Variants in KCNAB1 observed in about 807,000 individuals in gnomAD.
KCNAB1 encodes the protein voltage-gated potassium channel subunit beta-1.
In KCNAB1, 35 loss-of-function variants were observed where a neutral mutation model predicts 64.6. The observed-to-expected ratio is 0.54, with a 90% CI of 0.41 to 0.72. KCNAB1 has a LOEUF of 0.72. KCNAB1 is among the 30% of genes least tolerant of loss of function. The pLI, the probability that KCNAB1 is intolerant of heterozygous loss-of-function variation, is 0.00. For missense variants in KCNAB1, 401 were observed against 512.9 expected (o/e 0.78, Z 2.11); for synonymous variants, 177 against 183.8 (o/e 0.96, Z 0.30).
At chr3:156,368,571 A>AT (rs1277169094) in intron 1 of KCNAB1, among the ~76,000 whole-genome samples, 1 of 152,016 alleles carries the variant, frequency 6.6e-6, no homozygotes, top group Non-Finnish European at 1.5e-5. Flanking sequence ...CTTTGTTGTT[A>AT]TTTTCAACTG....
At chr3:156,347,592 T>C (rs1164012498) in intron 1 of KCNAB1, among the ~76,000 whole-genome samples, 4 of 113,870 alleles carry the variant, frequency 3.5e-5, no homozygotes, top group African/African-American at 3.3e-4. Context: ...TATAGTATGT[T>C]ATTGCCCCTG....
chr3:156,527,879 G>A (rs971787494), intron 12 of KCNAB1, among the ~76,000 whole-genome samples: 2 of 152,190 alleles, frequency 1.3e-5, no homozygotes, highest in Non-Finnish European at 2.9e-5. Flanking sequence ...CAGGTATACT[G>A]GAGCCAGCAT....
At chr3:156,235,891 T>C (rs1005380029) in intron 1 of KCNAB1, among the ~76,000 whole-genome samples, 2 of 152,124 alleles carry the variant, frequency 1.3e-5, no homozygotes, top group Admixed American at 6.5e-5. Flanking sequence ...GGGGCTATGA[T>C]GTTGCTTATT....
chr3:156,207,602 A>T (rs1714749134), intron 1 of KCNAB1, among the ~76,000 whole-genome samples: 1 of 152,230 alleles, frequency 6.6e-6, no homozygotes, highest in South Asian at 2.1e-4. Context: ...TACAAATCTA[A>T]TCCACTTTTA....
chr3:156,261,111 G>A (rs1408438832), intron 1 of KCNAB1, among the ~76,000 whole-genome samples: 3 of 151,958 alleles, frequency 2.0e-5, no homozygotes, highest in South Asian at 2.1e-4. Flanking sequence ...TCTTTCTATT[G>A]AGTTATTAGT....
rs375830651 is a variant in KCNAB1, at chr3:156,516,325, C to T, written c.921C>T (p.Tyr307=). 50 of 1,613,650 alleles carry T rather than the reference C, an allele frequency of 3.1e-5. No individual in the cohort carries two copies. The highest frequency in any genetic ancestry group is 5.5e-5 in the South Asian group (5 of 91,070). Residue 307 remains tyrosine (Y), a synonymous_variant, in exon 11 of 14, where the codon TAC becomes TAT. Coordinates refer to ENST00000490337, the MANE Select transcript of KCNAB1 (RefSeq NM_172160.3). ...PLACGIISGK[Y]GNGVPESSRA... ...CCTGTGGAATCATCTCAGGAAAATA[C>T]GGAAACGGGGTGCCTGAAAGTTCCA...
chr3:156,406,782 A>G (rs1714275838), intron 1 of KCNAB1, among the ~76,000 whole-genome samples: 1 of 152,180 alleles, frequency 6.6e-6, no homozygotes, highest in Non-Finnish European at 1.5e-5. Context: ...AGGAGAGAAT[A>G]CCATTAAAAA....
chr3:156,475,478 G>C (rs1714275636), intron 8 of KCNAB1, among the ~76,000 whole-genome samples: 1 of 152,186 alleles, frequency 6.6e-6, no homozygotes, highest in African/African-American at 2.4e-5. Flanking sequence ...AAGATAGTTT[G>C]AGAGGCTGAG....
At chr3:156,181,512 G>A (rs1712816050) in intron 1 of KCNAB1, among the ~76,000 whole-genome samples, 2 of 152,324 alleles carry the variant, frequency 1.3e-5, no homozygotes, top group African/African-American at 4.8e-5. Context: ...ACAATGATGT[G>A]TTGGATTGGC....
At chr3:156,299,486 A>ACTTT (rs1721015029) in intron 1 of KCNAB1, among the ~76,000 whole-genome samples, 1 of 152,062 alleles carries the variant, frequency 6.6e-6, no homozygotes, top group African/African-American at 2.4e-5. Context: ...TCTCAGGAAG[A>ACTTT]GATCTACAAA....
intron 1 of KCNAB1, among the ~76,000 whole-genome samples, chr3:156,138,986 G>T (rs991918093): frequency 2.0e-5 from 3 of 152,180 alleles, no homozygotes; most frequent in Non-Finnish European, 4.4e-5. Flanking sequence ...CCTGCACTCT[G>T]CTGACCATGT....
At chr3:156,216,981 A>G (rs1715362304) in intron 1 of KCNAB1, 1 of 152,146 alleles carries the variant, frequency 6.6e-6, no homozygotes, top group Non-Finnish European at 1.5e-5. Flanking sequence ...TTTTCTTTTC[A>G]ACTAGAGTTG....
intron 1 of KCNAB1, among the ~76,000 whole-genome samples, chr3:156,304,375 C>T (rs1374470777): frequency 6.6e-6 from 1 of 152,112 alleles, no homozygotes; most frequent in Non-Finnish European, 1.5e-5. Context: ...GGGAAGCAAG[C>T]GATGTTATGC....
intron 8 of KCNAB1, among the ~76,000 whole-genome samples, 199 bp from the exon 9 acceptor site, chr3:156,514,165 G>C (rs1717402526): frequency 6.6e-6 from 1 of 152,184 alleles, no homozygotes; most frequent in Admixed American, 6.5e-5. Flanking sequence ...TGGAATGTCA[G>C]TTTGCCCAAA....
intron 1 of KCNAB1, among the ~76,000 whole-genome samples, chr3:156,213,539 C>G (rs535441907): frequency 1.3e-5 from 2 of 152,302 alleles, no homozygotes; most frequent in South Asian, 4.1e-4. Context: ...AGCTCCATCT[C>G]TAATAAGTTG....
At chr3:156,169,438 AG>A (rs1711820421) in intron 1 of KCNAB1, among the ~76,000 whole-genome samples, 1 of 152,226 alleles carries the variant, frequency 6.6e-6, no homozygotes, top group East Asian at 1.9e-4. Context: ...AAATTTAGTC[AG>A]GAATGACTGA....
At chr3:156,176,656 T>C in intron 1 of KCNAB1, 1 of 1,040,152 alleles carries the variant, frequency 9.6e-7, no homozygotes, top group Non-Finnish European at 1.5e-6. Flanking sequence ...GGTCAAATCC[T>C]GCAGATGCTA....
At chr3:156,344,119 AC>A (rs1398280357) in intron 1 of KCNAB1, among the ~76,000 whole-genome samples, 5 of 151,530 alleles carry the variant, frequency 3.3e-5, no homozygotes, top group African/African-American at 1.2e-4. Flanking sequence ...CAGATACCCC[AC>A]CCCCACAATG....
Position 156,279,873 on chromosome 3 carries a change from T to C in KCNAB1, c.276-141743T>C, listed in dbSNP as rs1471772516. 5.3e-5 allele frequency among the ~76,000 whole-genome samples: 8 copies of C among 149,914 alleles called. No individual in the cohort carries two copies. The East Asian group carries it at 1.4e-3, about 26-fold the overall frequency. ...TTGTAGATTCTGGATATTAGCCCTT[T>C]GTCAGATGAGTAGGTTGCGAAAATT... On this transcript the variant is annotated intron_variant, in intron 1 of 13. Transcript: ENST00000490337.
Sources: allele counts gnomAD v4.1 joint callset (sites outside exome capture counted in the v4.1 genomes callset), GRCh38; gene constraint gnomAD v4.1.1; transcripts MANE v1.5; gene names NCBI Gene and HGNC (gene_info 2026-07-23, HGNC 2026-07-21).